Variants in PAPPA observed in about 807,000 individuals in gnomAD.
PAPPA encodes pappalysin 1.
Under a neutral mutation model 164.0 loss-of-function variants are expected in PAPPA, and 60 were observed. The observed-to-expected ratio is 0.37, with a 90% CI of 0.30 to 0.45. PAPPA has a LOEUF of 0.45. Ranked by LOEUF, PAPPA falls within the 20% of genes least tolerant of loss-of-function variation. The probability of loss-of-function intolerance (pLI) is 1.00; values close to 1 mark genes in which losing one functional copy is unlikely to be tolerated. For missense variants in PAPPA, 1,782 were observed against 2,087.3 expected, an observed-to-expected ratio of 0.85 and a Z score of 2.85; for synonymous variants, 875 against 814.1, an observed-to-expected ratio of 1.07 and a Z score of -1.27.
At chr9:116,239,051 C>T (rs1033106775) in intron 7 of PAPPA, among the ~76,000 whole-genome samples, 1 of 152,132 alleles carries the variant, frequency 6.6e-6, no homozygotes, top group African/African-American at 2.4e-5. Flanking sequence ...TTTCCTGACT[C>T]AACCCATTAC....
rs535617868 is a variant in PAPPA, at chr9:116,353,848, C to T, written c.4347+55C>T. The T allele has an allele frequency of 4.6e-4, 644 of 1,387,132 alleles. 2 individuals carry two copies. Among genetic ancestry groups the T allele is most frequent in the Non-Finnish European group, 6.0e-4 (603 of 997,754 alleles). 85.9% of individuals were successfully genotyped at this position (1,387,132 alleles called of 1,614,324 possible). A position where few individuals can be genotyped will look rare whatever the true frequency, so the allele number is the denominator to read the frequency against. On this transcript the variant is annotated intron_variant, in intron 17 of 21. Coordinates refer to ENST00000328252, the MANE Select transcript of PAPPA (RefSeq NM_002581.5). ...CATGGTCCCTTTCCTTTCTGCTTAC[C>T]AAAAACTAGCCTGTACTTCAGGAAC...
rs115371064 is a variant in PAPPA at position 116,254,975 on chromosome 9, C to G, written c.2733-10882C>G. Reference sequence around the variant, plus strand: ...AGAAAAAAGCAATTGAGATTATATACTGTCACTTCCCAGTCTTTTTTTAAA... The same window carrying G: ...AGAAAAAAGCAATTGAGATTATATAGTGTCACTTCCCAGTCTTTTTTTAAA... On this transcript the variant is annotated intron_variant, in intron 7 of 21. Transcript: ENST00000328252. Among the ~76,000 whole-genome samples, 1,168 of 151,844 alleles carry G rather than the reference C, an allele frequency of 7.7e-3. 18 individuals carry two copies. The highest frequency in any genetic ancestry group is 0.027 in the African/African-American group (1,130 of 41,510).
chr9:116,299,003 G>T (rs192570793), intron 9 of PAPPA, among the ~76,000 whole-genome samples: 1 of 152,058 alleles, frequency 6.6e-6, no homozygotes, highest in African/African-American at 2.4e-5. Context: ...TTTTGCGGCC[G>T]CACATTTGTA....
At chr9:116,321,200 T>G (rs1845851292) in intron 10 of PAPPA, among the ~76,000 whole-genome samples, 2 of 151,816 alleles carry the variant, frequency 1.3e-5, no homozygotes, top group Admixed American at 6.6e-5. Flanking sequence ...GCTAATTTTT[T>G]GTATTTTTAG....
intron 5 of PAPPA, among the ~76,000 whole-genome samples, chr9:116,224,276 A>G (rs894745045): frequency 6.6e-6 from 1 of 152,188 alleles, no homozygotes; most frequent in African/African-American, 2.4e-5. Flanking sequence ...CTGTCTTGCA[A>G]ACACGTGTTG....
intron 9 of PAPPA, among the ~76,000 whole-genome samples, chr9:116,289,241 ATATAGCATATATG>A (rs1211172877): frequency 2.2e-5 from 2 of 92,882 alleles, no homozygotes; most frequent in Admixed American, 1.2e-4. Context: ...TAGCATATAT[ATATAGCATATATG>A]TAGCATATAT....
chr9:116,275,336 C>A (rs570528374), intron 9 of PAPPA, among the ~76,000 whole-genome samples: 1 of 152,292 alleles, frequency 6.6e-6, no homozygotes, highest in South Asian at 2.1e-4. Flanking sequence ...ATGTTGCGGG[C>A]ACAGGATACC....
chr9:116,284,627 C>T (rs1322411316), intron 9 of PAPPA, among the ~76,000 whole-genome samples: 1 of 136,248 alleles, frequency 7.3e-6, no homozygotes, highest in Non-Finnish European at 1.5e-5. Flanking sequence ...AACTCACATT[C>T]GACACATCTT....
intron 21 of PAPPA, among the ~76,000 whole-genome samples, chr9:116,395,974 T>G (rs558463190): frequency 1.8e-4 from 27 of 152,330 alleles, no homozygotes; most frequent in African/African-American, 6.3e-4. Context: ...ACAGTTCTAT[T>G]AATCAACTTT....
chr9:116,171,550 T>G (rs1353989756), intron 1 of PAPPA, among the ~76,000 whole-genome samples: 5 of 148,444 alleles, frequency 3.4e-5, no homozygotes, highest in Non-Finnish European at 7.4e-5. Flanking sequence ...AATATCTGTT[T>G]ACAAACAAGT....
At chr9:116,244,283 G>A (rs1844770801) in intron 7 of PAPPA, among the ~76,000 whole-genome samples, 1 of 152,152 alleles carries the variant, frequency 6.6e-6, no homozygotes, top group African/African-American at 2.4e-5. Flanking sequence ...TTACTCTAAT[G>A]CACTACTAAA....
At chr9:116,334,127 G>C (rs1204630560) in intron 12 of PAPPA, among the ~76,000 whole-genome samples, 1 of 150,706 alleles carries the variant, frequency 6.6e-6, no homozygotes, top group Non-Finnish European at 1.5e-5. Flanking sequence ...GCCAACTTCT[G>C]TTTTGCTAAT....
At chr9:116,269,983 G>A (rs1188670429) in intron 8 of PAPPA, among the ~76,000 whole-genome samples, 1 of 152,190 alleles carries the variant, frequency 6.6e-6, no homozygotes, top group Admixed American at 6.5e-5. Context: ...TTGATTGCAA[G>A]GCATTATCCT....
In PAPPA at chr9:116,187,580, T is replaced by C. The variant is rs1305396943; in HGVS notation, c.842T>C (p.Leu281Pro). The C allele has an allele frequency of 1.9e-6, 3 of 1,614,236 alleles. No individual in the cohort carries two copies. Among genetic ancestry groups the C allele is most frequent in the Non-Finnish European group, 2.5e-6 (3 of 1,180,038 alleles). The change falls in exon 2 of 22, where the codon CTA becomes CCA. Residue 281 changes from leucine (L) to proline (P), a missense_variant. Coordinates refer to ENST00000328252, the MANE Select transcript of PAPPA (RefSeq NM_002581.5). The surrounding 1 kb of genome is among the most constrained non-coding windows in gnomAD (Gnocchi z 4.2). ...GAAACCCATGGCGCCCACACTGCTCTACCTCAGCTCCTCCTCCAGGAGAAC... is the reference window on the plus strand; with the variant it reads ...GAAACCCATGGCGCCCACACTGCTCCACCTCAGCTCCTCCTCCAGGAGAAC... ...DMETHGAHTA[L>P]PQLLLQENWD...
At chr9:116,208,094 A>T (rs1445913465) in intron 3 of PAPPA, among the ~76,000 whole-genome samples, 1 of 152,202 alleles carries the variant, frequency 6.6e-6, no homozygotes, top group African/African-American at 2.4e-5. Context: ...TCCATGTTCC[A>T]CCCACCAACA....
intron 21 of PAPPA, among the ~76,000 whole-genome samples, chr9:116,383,480 G>A (rs1010711148): frequency 6.6e-6 from 1 of 152,056 alleles, no homozygotes; most frequent in Non-Finnish European, 1.5e-5. Context: ...TATTAATAGG[G>A]GCACTGAGGC....
chr9:116,270,040 T>C (rs1845119083), intron 8 of PAPPA, among the ~76,000 whole-genome samples: 2 of 152,166 alleles, frequency 1.3e-5, no homozygotes, highest in South Asian at 4.1e-4. Context: ...CCAGTGTTAA[T>C]TGCCTGGGTG....
rs3789268 is a variant in PAPPA, at chr9:116,162,300, A to C, written c.415+7713A>C. Among the ~76,000 whole-genome samples, 374 of 152,276 alleles carry C rather than the reference A, an allele frequency of 2.5e-3. 3 individuals are homozygous for C. The highest frequency in any genetic ancestry group is 0.016 in the East Asian group (84 of 5,178). On this transcript the variant is annotated intron_variant, in intron 1 of 21. Transcript: ENST00000328252. ...CATGGGATCTGTTAGTGATTGTGAC[A>C]GGCCCAGAAGTATTGTGACGATACA...
chr9:116,389,948 C>T (rs1358957232), intron 21 of PAPPA, among the ~76,000 whole-genome samples: 1 of 151,934 alleles, frequency 6.6e-6, no homozygotes, highest in Non-Finnish European at 1.5e-5. Context: ...GAATGTGCTT[C>T]TTGTTTGTTT....
Sources: allele counts gnomAD v4.1 joint callset (sites outside exome capture counted in the v4.1 genomes callset), GRCh38; gene constraint gnomAD v4.1.1; non-coding constraint Gnocchi (gnomAD v3.1); transcripts MANE v1.5; gene names NCBI Gene and HGNC (gene_info 2026-07-23, HGNC 2026-07-21).